Variants in SLC22A24 observed in about 807,000 individuals in gnomAD.
SLC22A24 encodes solute carrier family 22 member 24, also known as steroid transmembrane transporter SLC22A24.
SLC22A24 carries 53 observed loss-of-function variants against 49.8 expected under a neutral mutation model. The ratio of observed to expected loss-of-function variants is 1.06; its 90% CI spans 0.85 to 1.34. The LOEUF (loss-of-function observed/expected upper bound fraction) is 1.34. SLC22A24 is among the 40% of genes most tolerant of loss of function. The pLI, the probability that SLC22A24 is intolerant of heterozygous loss-of-function variation, is 0.00. For missense variants in SLC22A24, 786 were observed against 675.9 expected (o/e 1.16, Z -1.81); for synonymous variants, 302 against 256.4 (o/e 1.18, Z -1.70).
chr11:63,139,192 T>G (rs1373262725), intron 1 of SLC22A24, among the ~76,000 whole-genome samples: 1 of 152,174 alleles, frequency 6.6e-6, no homozygotes, highest in Non-Finnish European at 1.5e-5. Flanking sequence ...TTTTTTTGTC[T>G]TGCCACTCTT....
intron 5 of SLC22A24, among the ~76,000 whole-genome samples, chr11:63,096,561 A>G (rs1229667521): frequency 1.3e-5 from 2 of 152,172 alleles, no homozygotes; most frequent in Non-Finnish European, 2.9e-5. Context: ...TATTCTCTAG[A>G]TATGCCAGTC....
Position 63,083,440 on chromosome 11 carries a change from G to A in SLC22A24, c.1088C>T (p.Pro363Leu), listed in dbSNP as rs1439273876. The A allele has an allele frequency of 1.3e-6, 2 of 1,551,072 alleles. No individual in the cohort carries two copies. Among genetic ancestry groups the A allele is most frequent in the Admixed American group, 3.9e-5 (2 of 50,974 alleles). Residue 363 changes from proline to leucine, a missense_variant, in exon 7 of 10, where the codon CCC (proline) becomes CTC (leucine). Pro to Leu is a moderately conservative substitution (Grantham distance 98). Coordinates refer to ENST00000612278, the MANE Select transcript of SLC22A24 (RefSeq NM_001136506.2). ...LCFVRFAITV[P>L]FYGLILNLQH... ...CAAGTTGAGTATCAGGCCATAAAAG[G>A]GTACAGTGATTGCGAATCTGAAGTG...
intron 1 of SLC22A24, among the ~76,000 whole-genome samples, chr11:63,138,143 G>T (rs372856989): frequency 6.6e-6 from 1 of 152,136 alleles, no homozygotes; most frequent in South Asian, 2.1e-4. Context: ...CAGCAGGCTG[G>T]TCAGTTACAA....
intron 4 of SLC22A24, among the ~76,000 whole-genome samples, chr11:63,111,907 G>A (rs1416295246): frequency 1.3e-5 from 2 of 151,636 alleles, no homozygotes; most frequent in African/African-American, 4.8e-5. Context: ...GAATGTGTTT[G>A]CTCTTGCTTT....
At chr11:63,113,728 C>A (rs1348843099) in intron 4 of SLC22A24, among the ~76,000 whole-genome samples, 2 of 151,852 alleles carry the variant, frequency 1.3e-5, no homozygotes, top group Admixed American at 6.6e-5. Context: ...GTGGCACATG[C>A]CTGTAGTCCC....
chr11:63,119,227 C>G lies in SLC22A24; in HGVS notation c.615G>C (p.Leu205Phe). ...AAATAGTCATGGTGGAGAACCCTGC[C>G]AAGAAGCGCAGTATGCAGTAAACAA... ...TFLVYCILRF[L>F]AGFSTMTILG... The change falls in exon 3 of 10, where the codon TTG becomes TTC. Residue 205 changes from leucine to phenylalanine, a missense_variant. Physicochemically the swap from Leu to Phe is conservative, Grantham distance 22. Transcript: ENST00000612278. 2.6e-6 allele frequency: 4 copies of G among 1,550,434 alleles called. No homozygotes were observed. In the South Asian group the frequency reaches 4.8e-5, roughly 19 times the overall value.
intron 5 of SLC22A24, among the ~76,000 whole-genome samples, chr11:63,098,609 G>A (rs1204378851): frequency 6.6e-6 from 1 of 152,076 alleles, no homozygotes; most frequent in Non-Finnish European, 1.5e-5. Context: ...GTTGCAGTAA[G>A]CCAAGATTAC....
At chr11:63,121,254 C>A (rs2087249583) in intron 2 of SLC22A24, among the ~76,000 whole-genome samples, 1 of 152,124 alleles carries the variant, frequency 6.6e-6, no homozygotes, top group Non-Finnish European at 1.5e-5. Context: ...GAACACTCTA[C>A]TTTCTACTCA....
chr11:63,101,293 C>T (rs1466147698), intron 5 of SLC22A24, among the ~76,000 whole-genome samples: 1 of 151,744 alleles, frequency 6.6e-6, no homozygotes, highest in Non-Finnish European at 1.5e-5. Flanking sequence ...TATGATCCAG[C>T]AATGTTACTA....
chr11:63,116,070 C>T, intron 4 of SLC22A24: 1 of 355,820 alleles, frequency 2.8e-6, no homozygotes, highest in Non-Finnish European at 5.1e-6. Flanking sequence ...GAGCTTGTTG[C>T]TGACACTCTT....
At chr11:63,130,015 G>A (rs1047403014) in intron 2 of SLC22A24, among the ~76,000 whole-genome samples, 2 of 152,160 alleles carry the variant, frequency 1.3e-5, no homozygotes, top group African/African-American at 4.8e-5. Flanking sequence ...ACACTATGTT[G>A]AATAGGAGTG....
intron 2 of SLC22A24, among the ~76,000 whole-genome samples, chr11:63,131,972 T>G (rs1168598065): frequency 6.6e-6 from 1 of 152,220 alleles, no homozygotes; most frequent in East Asian, 1.9e-4. Flanking sequence ...ACAGCTTTGT[T>G]CATTTCTTTT....
At chr11:63,119,372 C>G (rs775994191) in intron 2 of SLC22A24, 37 bp from the exon 3 acceptor site, 2 of 1,471,060 alleles carry the variant, frequency 1.4e-6, no homozygotes, top group Admixed American at 2.7e-5. Context: ...TACTTAGGAA[C>G]AAAAATAACA....
intron 4 of SLC22A24, among the ~76,000 whole-genome samples, chr11:63,107,926 T>G (rs1408058653): frequency 6.6e-6 from 1 of 152,144 alleles, no homozygotes; most frequent in East Asian, 1.9e-4. Context: ...ACCCTTTATT[T>G]CCTTCTCCTG....
intron 6 of SLC22A24, among the ~76,000 whole-genome samples, chr11:63,094,162 C>T (rs2087038159): frequency 8.5e-6 from 1 of 118,132 alleles, no homozygotes; most frequent in Non-Finnish European, 1.7e-5. Flanking sequence ...CCACAACAGT[C>T]CCCAGAGTGT....
rs1242801016 is a variant in SLC22A24 at position 63,109,104 on chromosome 11, T to G, written c.831-4806A>C. Among the ~76,000 whole-genome samples, 12 of 150,278 alleles carry G rather than the reference T, an allele frequency of 8.0e-5. No individual in the cohort carries two copies. In the East Asian group the frequency reaches 1.8e-3, roughly 22 times the overall value. On this transcript the variant is annotated intron_variant, in intron 4 of 9. Transcript: ENST00000612278. ...GAGTGAGAATATGTGGTGTTTGGTTTTTTGTTCTTGCGATAATTTACTGAG... is the reference window on the plus strand; with the variant it reads ...GAGTGAGAATATGTGGTGTTTGGTTGTTTGTTCTTGCGATAATTTACTGAG...
In SLC22A24 at chr11:63,119,248, A is replaced by T; in HGVS notation, c.594T>A (p.Val198=). The change falls in exon 3 of 10, where the codon GTT becomes GTA. Residue 198 remains valine (V), a synonymous_variant. Transcript: ENST00000612278. ...TCAAFAPTFL[V]YCILRFLAGF... ...CTGCCAAGAAGCGCAGTATGCAGTA[A>T]ACAAGGAAGGTGGGAGCGAAGGCCG... 1.9e-6 allele frequency: 3 copies of T among 1,551,598 alleles called. No homozygotes were observed. Among genetic ancestry groups the T allele is most frequent in the Non-Finnish European group, 2.6e-6 (3 of 1,146,900 alleles).
At chr11:63,093,250 A>G (rs185028864) in intron 6 of SLC22A24, among the ~76,000 whole-genome samples, 279 of 152,310 alleles carry the variant, frequency 1.8e-3, no homozygotes, top group African/African-American at 6.5e-3. Context: ...GGGAGTGTAA[A>G]TTAGTTCAAC....
chr11:63,111,651 T>C (rs1339946189), intron 4 of SLC22A24, among the ~76,000 whole-genome samples: 1 of 150,600 alleles, frequency 6.6e-6, no homozygotes, highest in Non-Finnish European at 1.5e-5. Context: ...GTGTTTGTAG[T>C]ATTCTCTGAT....
Sources: gnomAD v4.1 joint callset for allele counts (sites outside exome capture counted in the v4.1 genomes callset) on GRCh38, gnomAD v4.1.1 for gene constraint, MANE v1.5 for transcripts, NCBI Gene and HGNC (gene_info 2026-07-23, HGNC 2026-07-21) for gene names.